DGKG: variants seen among roughly 807,000 people sequenced by gnomAD.
DGKG encodes the protein DAG kinase gamma.
In DGKG, 78 loss-of-function variants were observed where a neutral mutation model predicts 105.3. That is an observed-to-expected ratio of 0.74 (90% CI 0.62 to 0.89). The LOEUF (loss-of-function observed/expected upper bound fraction) is 0.89, where lower values mean the gene tolerates loss of function less well. Ranked by LOEUF, DGKG falls within the 40% of genes least tolerant of loss-of-function variation. The probability of loss-of-function intolerance (pLI) is 0.00; values close to 1 mark genes in which losing one functional copy is unlikely to be tolerated. For synonymous variants in DGKG, 346 were observed against 367.1 expected (o/e 0.94, Z 0.66); for missense variants, 958 against 1,020.1 (o/e 0.94, Z 0.83).
intron 1 of DGKG, among the ~76,000 whole-genome samples, chr3:186,337,651 G>T (rs1159766035): frequency 6.6e-6 from 1 of 151,908 alleles, no homozygotes; most frequent in East Asian, 1.9e-4. Context: ...CAAAATTAGA[G>T]GTATATAAAT....
chr3:186,297,817 C>A (rs115932461), intron 4 of DGKG, among the ~76,000 whole-genome samples: 4 of 147,674 alleles, frequency 2.7e-5, no homozygotes, highest in African/African-American at 1.0e-4. Flanking sequence ...TGTGTCTCCT[C>A]TTTCCCCATC....
intron 2 of DGKG, among the ~76,000 whole-genome samples, chr3:186,310,261 G>A (rs1377269662): frequency 1.8e-4 from 2 of 11,116 alleles, no homozygotes; most frequent in African/African-American, 3.0e-4. Context: ...GCAAGACTCC[G>A]TCTCAAAAAA....
At chr3:186,307,628 T>C (rs1337832682) in intron 2 of DGKG, among the ~76,000 whole-genome samples, 1 of 152,256 alleles carries the variant, frequency 6.6e-6, no homozygotes, top group Non-Finnish European at 1.5e-5. Flanking sequence ...CAGCTTTACC[T>C]TGAGAGCTGT....
chr3:186,230,660 G>A (rs955767471), intron 20 of DGKG, among the ~76,000 whole-genome samples: 21 of 152,188 alleles, frequency 1.4e-4, no homozygotes, highest in Admixed American at 1.3e-3. Context: ...GGCAGGGTGG[G>A]CCTGAATGGG....
intron 20 of DGKG, among the ~76,000 whole-genome samples, chr3:186,213,715 A>G (rs1341111679): frequency 6.6e-6 from 1 of 152,112 alleles, no homozygotes; most frequent in East Asian, 1.9e-4. Flanking sequence ...AGATTCTATG[A>G]GAGAGTTGTG....
rs1420294169 is a variant in DGKG at position 186,288,855 on chromosome 3, T to G, written c.399A>C (p.Ala133=). 2.0e-5 allele frequency: 31 copies of G among 1,588,884 alleles called. No homozygotes were observed. Among genetic ancestry groups the G allele is most frequent in the Non-Finnish European group, 2.7e-5 (31 of 1,169,618 alleles). ...DTESNMAEKQ[A]PAEDQVAATP... is the part of the protein sequence containing the mutation. The stretch of plus-strand genomic sequence containing the variant: ...TCGCAGCCACTTGGTCTTCAGCTGG[T>G]GCTTGCTTCTCAGCCATATTTGATT... The change falls in exon 6 of 25, where the codon GCA becomes GCC. Residue 133 remains alanine (A), a synonymous_variant. Coordinates refer to ENST00000265022, the MANE Select transcript of DGKG (RefSeq NM_001346.3).
chr3:186,245,416 C>A (rs1720893593), intron 19 of DGKG, among the ~76,000 whole-genome samples: 1 of 152,204 alleles, frequency 6.6e-6, no homozygotes, highest in Non-Finnish European at 1.5e-5. Flanking sequence ...CACTTTCACT[C>A]TCTGGAGCTT....
At chr3:186,236,461 A>T (rs1252773113) in intron 20 of DGKG, among the ~76,000 whole-genome samples, 1 of 152,254 alleles carries the variant, frequency 6.6e-6, no homozygotes, top group Non-Finnish European at 1.5e-5. Context: ...ACATTGCAAG[A>T]TTTTCAAAAG....
chr3:186,355,273 C>CCAACAACACCACTATCGT (rs1360744888), intron 1 of DGKG, among the ~76,000 whole-genome samples: 8 of 27,404 alleles, frequency 2.9e-4, no homozygotes, highest in Admixed American at 4.9e-4. Context: ...ACCACTACCA[C>CCAACAACACCACTATCGT]CAGCACGATC....
In DGKG at chr3:186,284,605, C is replaced by T. The variant is rs113204736; in HGVS notation, c.594+55G>A. 1 of 1,448,358 alleles carries T rather than the reference C, an allele frequency of 6.9e-7. No individual in the cohort carries two copies. The highest frequency in any genetic ancestry group is 2.3e-5 in the East Asian group (1 of 44,042). 89.7% of individuals were successfully genotyped at this position (1,448,358 alleles called of 1,614,324 possible). Reference sequence around the variant, plus strand: ...TTTCAGATTCTTCCTCTGCTTGCTCCCTGCTCCCCCAGCCTTTCTCAGGTC... The same window carrying T: ...TTTCAGATTCTTCCTCTGCTTGCTCTCTGCTCCCCCAGCCTTTCTCAGGTC... On this transcript the variant is annotated intron_variant, in intron 7 of 24. Coordinates refer to ENST00000265022, the MANE Select transcript of DGKG (RefSeq NM_001346.3). The surrounding 1 kb of genome is among the most constrained non-coding windows in gnomAD (Gnocchi z 4.0).
At chr3:186,357,853 T>C (rs1251399195) in intron 1 of DGKG, among the ~76,000 whole-genome samples, 3 of 152,246 alleles carry the variant, frequency 2.0e-5, no homozygotes, top group African/African-American at 7.2e-5. Context: ...TGGAAATCTT[T>C]TAAATGTGCA....
intron 21 of DGKG, among the ~76,000 whole-genome samples, chr3:186,190,541 T>C (rs561277332): frequency 6.2e-4 from 94 of 152,356 alleles, no homozygotes; most frequent in African/African-American, 2.2e-3. Flanking sequence ...AAGATTGCAC[T>C]GGCCATTTTG....
At chr3:186,244,697 A>G (rs1158075777) in intron 19 of DGKG, among the ~76,000 whole-genome samples, 10 of 152,110 alleles carry the variant, frequency 6.6e-5, no homozygotes, top group African/African-American at 2.4e-4. Context: ...ATGAGCCACC[A>G]GGCCTGGCCA....
chr3:186,270,570 T>C (rs939369264), intron 11 of DGKG, among the ~76,000 whole-genome samples: 5 of 152,232 alleles, frequency 3.3e-5, no homozygotes, highest in South Asian at 4.1e-4. Flanking sequence ...CTTCTGAGGG[T>C]GTAAAGAACT....
chr3:186,260,640 C>T (rs1005377239), intron 15 of DGKG, 127 bp from the exon 16 acceptor site: 1 of 731,164 alleles, frequency 1.4e-6, no homozygotes, highest in African/African-American at 1.8e-5. Context: ...CATTTAAACC[C>T]CGGAGGGGAG....
intron 24 of DGKG, among the ~76,000 whole-genome samples, chr3:186,150,485 G>A (rs1715707163): frequency 6.6e-6 from 1 of 152,138 alleles, no homozygotes; most frequent in Non-Finnish European, 1.5e-5. Context: ...GAATGTCACA[G>A]CCAGAGGAGA....
chr3:186,338,527 G>C (rs1052526611), intron 1 of DGKG, among the ~76,000 whole-genome samples: 1 of 151,866 alleles, frequency 6.6e-6, no homozygotes, highest in African/African-American at 2.4e-5. Context: ...TATTTGTAGT[G>C]GTACAAATAT....
intron 2 of DGKG, among the ~76,000 whole-genome samples, chr3:186,310,265 C>CAAAAAAAAAAAA (rs1165723037): frequency 0.011 from 371 of 33,288 alleles, 61 homozygotes; most frequent in African/African-American, 0.026. Context: ...GACTCCGTCT[C>CAAAAAAAAAAAA]AAAAAAAAAA....
At chr3:186,232,450 CTT>C (rs1720198124) in intron 20 of DGKG, among the ~76,000 whole-genome samples, 1 of 152,078 alleles carries the variant, frequency 6.6e-6, no homozygotes, top group South Asian at 2.1e-4. Flanking sequence ...GCCTGAATGA[CTT>C]ATATAAAGAA....
Sources: gnomAD v4.1 joint callset for allele counts (sites outside exome capture counted in the v4.1 genomes callset) on GRCh38, gnomAD v4.1.1 for gene constraint, Gnocchi (gnomAD v3.1) non-coding constraint, MANE v1.5 for transcripts, NCBI Gene and HGNC (gene_info 2026-07-23, HGNC 2026-07-21) for gene names.